SH3GL2: variants seen among roughly 807,000 people sequenced by gnomAD.
SH3GL2 encodes the protein endophilin-A1.
In SH3GL2, 24 loss-of-function variants were observed where a neutral mutation model predicts 46.0. That is an observed-to-expected ratio of 0.52 (90% CI 0.38 to 0.73). The LOEUF (loss-of-function observed/expected upper bound fraction) is 0.73. Ranked by LOEUF, SH3GL2 falls within the 30% of genes least tolerant of loss-of-function variation. The pLI, the probability that SH3GL2 is intolerant of heterozygous loss-of-function variation, is 0.00. For synonymous variants in SH3GL2, 196 were observed against 147.1 expected, an observed-to-expected ratio of 1.33 and a Z score of -2.40; for missense variants, 413 against 424.2, an observed-to-expected ratio of 0.97 and a Z score of 0.23.
At position 17,697,090 on chromosome 9, in the gene SH3GL2, T is replaced by C. The variant is rs1821222197; in HGVS notation, c.46-49976T>C. ...TCAGCTCCCTCACACCACAGGGTAT[T>C]AGAGAGGCCACATGGGCTGTGAAAA... On this transcript the variant is annotated intron_variant, in intron 1 of 8. Coordinates refer to ENST00000380607, the MANE Select transcript of SH3GL2 (RefSeq NM_003026.5). Among the ~76,000 whole-genome samples, 4 of 152,220 alleles carry C rather than the reference T, an allele frequency of 2.6e-5. No homozygotes were observed. The South Asian group carries it at 8.3e-4, about 32-fold the overall frequency.
intron 1 of SH3GL2, among the ~76,000 whole-genome samples, chr9:17,580,906 A>C (rs1263550034): frequency 1.3e-5 from 2 of 152,226 alleles, no homozygotes; most frequent in Admixed American, 6.5e-5. Context: ...CCTCAAAGGC[A>C]ATTAAGAGTC....
At chr9:17,656,248 G>A (rs1820073776) in intron 1 of SH3GL2, among the ~76,000 whole-genome samples, 1 of 152,030 alleles carries the variant, frequency 6.6e-6, no homozygotes, top group Non-Finnish European at 1.5e-5. Flanking sequence ...TTTGCATTAA[G>A]AAAGTTACCC....
intron 7 of SH3GL2, among the ~76,000 whole-genome samples, chr9:17,793,115 T>G (rs1453892122): frequency 2.6e-5 from 4 of 152,176 alleles, no homozygotes; most frequent in African/African-American, 9.7e-5. Flanking sequence ...TAAAGGACTC[T>G]GAATAAATGA....
At chr9:17,637,663 C>G (rs1819570873) in intron 1 of SH3GL2, among the ~76,000 whole-genome samples, 1 of 152,190 alleles carries the variant, frequency 6.6e-6, no homozygotes, top group African/African-American at 2.4e-5. Context: ...AATGTCTTGT[C>G]CTTTCTGAGC....
chr9:17,681,264 G>T (rs1217298541), intron 1 of SH3GL2, among the ~76,000 whole-genome samples: 2 of 152,152 alleles, frequency 1.3e-5, no homozygotes, highest in Non-Finnish European at 2.9e-5. Context: ...CAACAAAAGA[G>T]TCTAATCAGT....
At chr9:17,693,799 C>T (rs1821140649) in intron 1 of SH3GL2, among the ~76,000 whole-genome samples, 4 of 152,160 alleles carry the variant, frequency 2.6e-5, no homozygotes, top group Admixed American at 2.6e-4. Flanking sequence ...AGAGGAGTCT[C>T]ATTTTGCTTT....
intron 1 of SH3GL2, among the ~76,000 whole-genome samples, chr9:17,649,516 A>C (rs570284072): frequency 1.3e-5 from 2 of 152,378 alleles, no homozygotes; most frequent in South Asian, 2.1e-4. Flanking sequence ...GATAAAGATA[A>C]ATCGATGTTA....
chr9:17,772,854 A>G, intron 3 of SH3GL2, among the ~76,000 whole-genome samples: 1 of 152,198 alleles, frequency 6.6e-6, no homozygotes, highest in Non-Finnish European at 1.5e-5. Flanking sequence ...TTTTGGGTAG[A>G]TATCCAGAAA....
intron 3 of SH3GL2, among the ~76,000 whole-genome samples, chr9:17,781,680 A>G (rs1478475278): frequency 1.3e-5 from 2 of 152,142 alleles, no homozygotes; most frequent in African/African-American, 2.4e-5. Flanking sequence ...TACCAGCAGT[A>G]TTTGAGAGTT....
intron 3 of SH3GL2, among the ~76,000 whole-genome samples, chr9:17,765,670 C>T (rs567572585): frequency 6.6e-6 from 1 of 152,310 alleles, no homozygotes; most frequent in South Asian, 2.1e-4. Context: ...TCCCTCGGGT[C>T]CAGCGTAAAG....
chr9:17,701,618 A>C (rs944307562), intron 1 of SH3GL2, among the ~76,000 whole-genome samples: 2 of 152,198 alleles, frequency 1.3e-5, no homozygotes, highest in East Asian at 1.9e-4. Flanking sequence ...TCATTTTAAC[A>C]TACAGAAATA....
intron 1 of SH3GL2, among the ~76,000 whole-genome samples, chr9:17,663,515 A>G (rs3808721): frequency 0.38 from 57,233 of 151,998 alleles, 11,758 homozygotes; most frequent in South Asian, 0.57. Context: ...TGTGAATCAA[A>G]GAACTGGGAA....
intron 1 of SH3GL2, among the ~76,000 whole-genome samples, chr9:17,622,176 A>G (rs1325681771): frequency 4.6e-5 from 7 of 152,160 alleles, no homozygotes; most frequent in Non-Finnish European, 7.4e-5. Context: ...TTGAAAATTT[A>G]TTATTTAGGG....
At chr9:17,735,231 C>T (rs1162290438) in intron 1 of SH3GL2, among the ~76,000 whole-genome samples, 2 of 152,098 alleles carry the variant, frequency 1.3e-5, no homozygotes, top group African/African-American at 4.8e-5. Flanking sequence ...CAGATGTTGA[C>T]ATTAGCACAT....
chr9:17,581,951 G>T (rs555075668), intron 1 of SH3GL2, among the ~76,000 whole-genome samples: 100 of 152,220 alleles, frequency 6.6e-4, no homozygotes, highest in Non-Finnish European at 1.2e-3. Context: ...TGCCCGCCTC[G>T]ATTACAGGCT....
intron 1 of SH3GL2, among the ~76,000 whole-genome samples, chr9:17,580,703 C>T (rs1049505967): frequency 6.6e-6 from 1 of 152,188 alleles, no homozygotes. Flanking sequence ...TAACTTTATA[C>T]TGCAAGTTCT....
intron 1 of SH3GL2, among the ~76,000 whole-genome samples, chr9:17,722,071 A>G (rs11790692): frequency 0.068 from 10,278 of 152,068 alleles, 485 homozygotes; most frequent in Admixed American, 0.14. Context: ...TGTAAGTACA[A>G]TTTGTAAACT....
chr9:17,663,343 C>A (rs560691788), intron 1 of SH3GL2, among the ~76,000 whole-genome samples: 1 of 152,064 alleles, frequency 6.6e-6, no homozygotes, highest in African/African-American at 2.4e-5. Context: ...TGCTTTTTTA[C>A]TGTTTATTAA....
At chr9:17,668,603 C>T (rs188518232) in intron 1 of SH3GL2, among the ~76,000 whole-genome samples, 382 of 152,188 alleles carry the variant, frequency 2.5e-3, no homozygotes, top group African/African-American at 8.8e-3. Flanking sequence ...CATGTTTTCC[C>T]CTTATAATTC....
Sources: allele counts gnomAD v4.1 joint callset (sites outside exome capture counted in the v4.1 genomes callset), GRCh38; gene constraint gnomAD v4.1.1; transcripts MANE v1.5; gene names NCBI Gene and HGNC (gene_info 2026-07-23, HGNC 2026-07-21).